Variants in LMBRD1 observed in about 807,000 individuals in gnomAD.
LMBRD1 encodes lysosomal cobalamin transport escort protein LMBD1.
A neutral mutation model predicts 74.8 loss-of-function variants in LMBRD1; 64 were observed. The ratio of observed to expected loss-of-function variants is 0.86; its 90% CI spans 0.70 to 1.05. The LOEUF is 1.05. Ranked by LOEUF, LMBRD1 falls within the 50% of genes least tolerant of loss-of-function variation. The pLI is 0.00. For synonymous variants in LMBRD1, 204 were observed against 216.3 expected (o/e 0.94, Z 0.50); for missense variants, 652 against 645.9 (o/e 1.01, Z -0.10).
rs1291823893 is a variant in LMBRD1 at position 69,701,539 on chromosome 6, A to T, written c.987T>A (p.Asp329Glu). 9 of 1,584,252 alleles carry T rather than the reference A, an allele frequency of 5.7e-6. No individual in the cohort carries two copies. The South Asian group carries it at 1.0e-4, about 18-fold the overall frequency. ...FVISLFLSNL[D>E]KALHSAGIDS... ...CTATTCCAGCTGAATGAAGAGCTTT[A>T]TCTAAACTAAAAAAAATTACAAAGA... Residue 329 changes from aspartate to glutamate, a missense_variant, in exon 11 of 16, where the codon GAT becomes GAA. Asp to Glu is a conservative substitution (Grantham distance 45, BLOSUM62 2). This residue lies in a region of LMBRD1 where 598 missense variants were observed against 581.8 expected (regional missense o/e 1.03). Transcript: ENST00000649934.
intron 2 of LMBRD1, among the ~76,000 whole-genome samples, chr6:69,783,988 T>A (rs1463740028): frequency 6.6e-6 from 1 of 152,232 alleles, no homozygotes; most frequent in Non-Finnish European, 1.5e-5. Context: ...AGTATTGCTG[T>A]TACTATTTTA....
chr6:69,729,417 G>A (rs1766806586), intron 7 of LMBRD1, among the ~76,000 whole-genome samples: 1 of 151,388 alleles, frequency 6.6e-6, no homozygotes, highest in Non-Finnish European at 1.5e-5. Flanking sequence ...CAGATTTCTA[G>A]GCCAGACTAA....
intron 7 of LMBRD1, among the ~76,000 whole-genome samples, chr6:69,733,975 T>A (rs1040139887): frequency 1.3e-5 from 2 of 152,194 alleles, no homozygotes; most frequent in African/African-American, 2.4e-5. Context: ...ATTATTTAAT[T>A]AAATCCTCAC....
intron 3 of LMBRD1, among the ~76,000 whole-genome samples, chr6:69,767,570 A>AT (rs757914734): frequency 2.0e-5 from 3 of 151,734 alleles, no homozygotes; most frequent in Non-Finnish European, 4.4e-5. Context: ...ACTTTGTATG[A>AT]TTTTTAATCC....
chr6:69,759,589 C>CA (rs1765336060), intron 3 of LMBRD1, among the ~76,000 whole-genome samples: 1 of 151,694 alleles, frequency 6.6e-6, no homozygotes, highest in Non-Finnish European at 1.5e-5. Context: ...CCAAAACAAA[C>CA]AAAAAAGCTT....
intron 9 of LMBRD1, among the ~76,000 whole-genome samples, chr6:69,710,260 A>G (rs557595527): frequency 1.3e-5 from 2 of 152,214 alleles, no homozygotes; most frequent in Admixed American, 1.3e-4. Context: ...AGCAAAGGAT[A>G]GTCTTGAAAA....
At chr6:69,752,159 C>T (rs1765171254) in intron 4 of LMBRD1, 100 bp downstream of exon 4, 2 of 1,148,762 alleles carry the variant, frequency 1.7e-6, no homozygotes, top group Non-Finnish European at 2.5e-6. Flanking sequence ...TTCTATTAGA[C>T]AACACTGCTC....
At position 69,741,837 on chromosome 6, in the gene LMBRD1, T is replaced by A; in HGVS notation, c.514A>T (p.Thr172Ser). ...AGGGACTTCACTTTTTCCCACTCTG[T>A]AGAATTTTTGTTATTGGGAACATTC... Reference protein sequence around the residue: ...PLNVPNNKNSTEWEKVKSLFE... With the variant: ...PLNVPNNKNSSEWEKVKSLFE... Residue 172 changes from threonine (T) to serine (S), a missense_variant, in exon 6 of 16, where the codon ACA becomes TCA. Around this residue, in one of 3 missense-constraint regions of LMBRD1, gnomAD observed 598 missense variants for 581.8 expected, o/e 1.03. Transcript: ENST00000649934. 1 of 1,607,304 alleles carries A rather than the reference T, an allele frequency of 6.2e-7. No individual in the cohort carries two copies. The highest frequency in any genetic ancestry group is 8.5e-7 in the Non-Finnish European group (1 of 1,173,926).
At chr6:69,679,405 A>C (rs1205442942) in intron 14 of LMBRD1, among the ~76,000 whole-genome samples, 1 of 152,100 alleles carries the variant, frequency 6.6e-6, no homozygotes, top group African/African-American at 2.4e-5. Context: ...TCTCACTTTT[A>C]TTACAGAACT....
At chr6:69,713,829 C>G (rs1377337588) in intron 8 of LMBRD1, 32 bp from the exon 9 acceptor site, 1 of 1,611,368 alleles carries the variant, frequency 6.2e-7, no homozygotes, top group Admixed American at 1.7e-5. Flanking sequence ...AAAAGTTTTA[C>G]CATTAACATC....
chr6:69,767,652 TAAGTC>T (rs1160271681), intron 3 of LMBRD1, among the ~76,000 whole-genome samples: 1 of 151,952 alleles, frequency 6.6e-6, no homozygotes, highest in East Asian at 1.9e-4. Context: ...CCATGTGCTT[TAAGTC>T]AATTGTGTTC....
intron 3 of LMBRD1, among the ~76,000 whole-genome samples, chr6:69,769,782 A>G (rs13193407): frequency 0.051 from 7,706 of 151,602 alleles, 243 homozygotes; most frequent in Non-Finnish European, 0.071. Context: ...AAAAAAATAT[A>G]TATTTATTTA....
intron 5 of LMBRD1, among the ~76,000 whole-genome samples, chr6:69,744,139 A>T (rs1767166925): frequency 6.6e-6 from 1 of 152,212 alleles, no homozygotes; most frequent in Admixed American, 6.5e-5. Flanking sequence ...TGAAATGGTG[A>T]TGATATTAAA....
chr6:69,752,238 C>A, intron 4 of LMBRD1, 21 bp downstream of exon 4: 1 of 1,601,312 alleles, frequency 6.2e-7, no homozygotes, highest in Non-Finnish European at 8.5e-7. Context: ...AAACTAAGGC[C>A]TCTAAAATAA....
At chr6:69,691,870 C>T (rs1299669998) in intron 14 of LMBRD1, among the ~76,000 whole-genome samples, 52 of 107,882 alleles carry the variant, frequency 4.8e-4, no homozygotes, top group African/African-American at 1.6e-3. Context: ...TGTGAGACTC[C>T]GTCTCAAAAA....
Position 69,719,014 on chromosome 6 carries a change from A to G in LMBRD1, c.704T>C (p.Leu235Ser), listed in dbSNP as rs376076271. 27 of 1,613,242 alleles carry G rather than the reference A, an allele frequency of 1.7e-5. No homozygotes were observed. In the African/African-American group the frequency reaches 2.5e-4, roughly 15 times the overall value. The change falls in exon 8 of 16, where the codon TTG (leucine) becomes TCG (serine). Residue 235 changes from leucine (L) to serine (S), a missense_variant. Physicochemically the swap from Leu to Ser is moderately radical, Grantham distance 145. This residue lies in a region of LMBRD1 where 598 missense variants were observed against 581.8 expected (regional missense o/e 1.03). Coordinates refer to ENST00000649934, the MANE Select transcript of LMBRD1 (RefSeq NM_018368.4). ...TTCTTCAATGTCTTCAGTGTTTTCC[A>G]AACGTTCATAAGCAGCGCTTCTAGT... ...KGTRSAAYERLENTEDIEEVE... is the reference protein window; with the variant it reads ...KGTRSAAYERSENTEDIEEVE...
At chr6:69,782,730 A>T (rs1765865752) in intron 2 of LMBRD1, among the ~76,000 whole-genome samples, 1 of 152,008 alleles carries the variant, frequency 6.6e-6, no homozygotes, top group Admixed American at 6.6e-5. Context: ...AGGAGGTTAT[A>T]TGCCTCTACT....
At chr6:69,691,458 A>G (rs2149839438) in intron 14 of LMBRD1, among the ~76,000 whole-genome samples, 1 of 152,212 alleles carries the variant, frequency 6.6e-6, no homozygotes, top group Admixed American at 6.5e-5. Flanking sequence ...TCCCATATCT[A>G]TGACTCTCAT....
chr6:69,779,055 G>T (rs1765767864), intron 3 of LMBRD1, among the ~76,000 whole-genome samples: 1 of 151,950 alleles, frequency 6.6e-6, no homozygotes, highest in South Asian at 2.1e-4. Context: ...GCGTGATGGT[G>T]TGTGCCTGTA....
Sources: gnomAD v4.1 joint callset for allele counts (sites outside exome capture counted in the v4.1 genomes callset) on GRCh38, gnomAD v4.1.1 for gene constraint, gnomAD v4.1.1 regional missense constraint, MANE v1.5 for transcripts, NCBI Gene and HGNC (gene_info 2026-07-23, HGNC 2026-07-21) for gene names.